TMEFF1: variants seen among roughly 807,000 people sequenced by gnomAD.
TMEFF1 encodes transmembrane protein with EGF like and two follistatin like domains 1.
Under a neutral mutation model 47.5 loss-of-function variants are expected in TMEFF1, and 20 were observed. The ratio of observed to expected loss-of-function variants is 0.42; its 90% confidence interval spans 0.30 to 0.61. TMEFF1 has a LOEUF of 0.61. Among genes scored for constraint, TMEFF1 ranks in the 20% least tolerant of loss-of-function variants. TMEFF1 has a pLI of 0.19. For missense variants in TMEFF1, 411 were observed against 471.1 expected, an observed-to-expected ratio of 0.87 and a Z score of 1.18; for synonymous variants, 162 against 166.3, an observed-to-expected ratio of 0.97 and a Z score of 0.20.
intron 2 of TMEFF1, among the ~76,000 whole-genome samples, chr9:100,502,797 T>G (rs1301486152): frequency 6.6e-6 from 1 of 152,328 alleles, no homozygotes; most frequent in East Asian, 1.9e-4. Context: ...TTCCTTGCAT[T>G]TTTACCTTGT....
At chr9:100,493,225 T>G (rs1056972390) in intron 1 of TMEFF1, among the ~76,000 whole-genome samples, 7 of 152,146 alleles carry the variant, frequency 4.6e-5, no homozygotes, top group African/African-American at 1.7e-4. Context: ...CAACAAAGAA[T>G]TATCTGGTTC....
intron 6 of TMEFF1, among the ~76,000 whole-genome samples, chr9:100,549,357 A>G (rs1401176421): frequency 6.6e-6 from 1 of 152,174 alleles, no homozygotes; most frequent in Non-Finnish European, 1.5e-5. Flanking sequence ...TCTGCCCCCC[A>G]TGATCCAGTC....
chr9:100,511,064 G>A (rs560484901), intron 3 of TMEFF1, among the ~76,000 whole-genome samples: 1 of 152,162 alleles, frequency 6.6e-6, no homozygotes, highest in Non-Finnish European at 1.5e-5. Flanking sequence ...TCTCTTGTAG[G>A]AAGGCCAAAT....
chr9:100,562,613 G>T (rs1839037575), intron 8 of TMEFF1, among the ~76,000 whole-genome samples: 1 of 149,752 alleles, frequency 6.7e-6, no homozygotes, highest in African/African-American at 2.5e-5. Context: ...ATGGTAACAG[G>T]CCAGGTTTTT....
intron 5 of TMEFF1, among the ~76,000 whole-genome samples, chr9:100,519,884 T>C (rs1333734109): frequency 6.6e-6 from 1 of 152,112 alleles, no homozygotes; most frequent in Non-Finnish European, 1.5e-5. Context: ...TACATTTGCA[T>C]TGTTATCCAG....
chr9:100,557,862 T>A (rs1462753099), intron 7 of TMEFF1, among the ~76,000 whole-genome samples: 1 of 151,896 alleles, frequency 6.6e-6, no homozygotes, highest in African/African-American at 2.4e-5. Flanking sequence ...CTCTGTAGCT[T>A]AGCTGAGCAT....
At chr9:100,492,995 T>C (rs909260710) in intron 1 of TMEFF1, among the ~76,000 whole-genome samples, 10 of 152,192 alleles carry the variant, frequency 6.6e-5, no homozygotes, top group African/African-American at 2.2e-4. Context: ...TTCCTTGTAG[T>C]GATTGTGTCA....
chr9:100,506,314 G>A (rs1054645359), intron 2 of TMEFF1, among the ~76,000 whole-genome samples: 1 of 151,928 alleles, frequency 6.6e-6, no homozygotes, highest in Non-Finnish European at 1.5e-5. Flanking sequence ...TGAAAAATTT[G>A]TTGACATTTT....
At chr9:100,568,595 T>TCTTC (rs60796448) in intron 8 of TMEFF1, among the ~76,000 whole-genome samples, 38,850 of 149,518 alleles carry the variant, frequency 0.26, 5,408 homozygotes, top group South Asian at 0.45. Flanking sequence ...TCCCTCCCTC[T>TCTTC]CTTCCTTCCT....
chr9:100,547,197 G>T (rs1838750604), intron 5 of TMEFF1, among the ~76,000 whole-genome samples: 2 of 151,896 alleles, frequency 1.3e-5, no homozygotes, highest in Non-Finnish European at 2.9e-5. Flanking sequence ...TTTATTTTTT[G>T]TAGAGATGGG....
chr9:100,489,855 G>T (rs1008898585), intron 1 of TMEFF1, among the ~76,000 whole-genome samples: 4 of 152,190 alleles, frequency 2.6e-5, no homozygotes, highest in African/African-American at 9.7e-5. Context: ...GAGGAAGAGA[G>T]TGTCACAGCT....
chr9:100,520,088 C>T (rs1838137309), intron 5 of TMEFF1, among the ~76,000 whole-genome samples: 1 of 152,124 alleles, frequency 6.6e-6, no homozygotes, highest in African/African-American at 2.4e-5. Context: ...AAAAGTATTG[C>T]TCTATAGTAA....
At chr9:100,540,335 C>T (rs1395675855) in intron 5 of TMEFF1, among the ~76,000 whole-genome samples, 4 of 152,242 alleles carry the variant, frequency 2.6e-5, no homozygotes, top group East Asian at 3.8e-4. Context: ...CAGAAAAGTT[C>T]TCCAAGTCCC....
At chr9:100,573,494 C>T (rs1839286193) in intron 9 of TMEFF1, among the ~76,000 whole-genome samples, 1 of 152,080 alleles carries the variant, frequency 6.6e-6, no homozygotes. Context: ...AGAGTAAATC[C>T]AGCAAGTTCG....
intron 1 of TMEFF1, among the ~76,000 whole-genome samples, chr9:100,492,702 T>C (rs1459094670): frequency 3.9e-5 from 6 of 152,054 alleles, no homozygotes; most frequent in African/African-American, 1.2e-4. Flanking sequence ...GACTGTTTGG[T>C]TACAAGGGGA....
intron 8 of TMEFF1, among the ~76,000 whole-genome samples, chr9:100,562,954 A>G (rs1344049287): frequency 6.6e-6 from 1 of 152,200 alleles, no homozygotes; most frequent in African/African-American, 2.4e-5. Flanking sequence ...AGTAGCTAGC[A>G]CTACAGGCAT....
intron 1 of TMEFF1, among the ~76,000 whole-genome samples, chr9:100,480,747 T>A (rs1284367898): frequency 6.6e-6 from 1 of 152,248 alleles, no homozygotes; most frequent in Non-Finnish European, 1.5e-5. Context: ...TATAATTATG[T>A]ATTTAAGACT....
At chr9:100,547,359 G>A (rs1838755368) in intron 5 of TMEFF1, among the ~76,000 whole-genome samples, 2 of 152,248 alleles carry the variant, frequency 1.3e-5, no homozygotes, top group South Asian at 4.2e-4. Flanking sequence ...CTAAGACTTA[G>A]AGGAAGAATT....
At chr9:100,566,931 T>G (rs1839137811) in intron 8 of TMEFF1, among the ~76,000 whole-genome samples, 1 of 152,064 alleles carries the variant, frequency 6.6e-6, no homozygotes. Flanking sequence ...TTTTTGCATT[T>G]TTTTGTAGAC....
Sources: gnomAD v4.1 joint callset for allele counts (sites outside exome capture counted in the v4.1 genomes callset) on GRCh38, gnomAD v4.1.1 for gene constraint, MANE v1.5 for transcripts, NCBI Gene and HGNC (gene_info 2026-07-23, HGNC 2026-07-21) for gene names.